CNIH3: variants seen among roughly 807,000 people sequenced by gnomAD.
The protein encoded by CNIH3 is protein cornichon homolog 3.
CNIH3 carries 14 observed loss-of-function variants against 24.1 expected under a neutral mutation model. That is an observed-to-expected ratio of 0.58 (90% CI 0.38 to 0.91). CNIH3 has a LOEUF of 0.91. CNIH3 is among the 40% of genes least tolerant of loss of function. The pLI is 0.00. For missense variants in CNIH3, 178 were observed against 196.8 expected (o/e 0.90, Z 0.57); for synonymous variants, 68 against 73.8 (o/e 0.92, Z 0.40).
At chr1:224,698,680 G>T (rs1687309344) in intron 3 of CNIH3, among the ~76,000 whole-genome samples, 1 of 152,160 alleles carries the variant, frequency 6.6e-6, no homozygotes, top group Non-Finnish European at 1.5e-5. Context: ...CATATTCTGG[G>T]CTTTAAAAGG....
intron 3 of CNIH3, among the ~76,000 whole-genome samples, chr1:224,554,653 G>A (rs888256197): frequency 2.0e-5 from 3 of 151,574 alleles, no homozygotes; most frequent in East Asian, 3.9e-4. Context: ...GTGTGATCAC[G>A]GCTTAGTGAA....
At chr1:224,639,275 T>A (rs1040849079) in intron 1 of CNIH3, among the ~76,000 whole-genome samples, 4 of 152,246 alleles carry the variant, frequency 2.6e-5, no homozygotes, top group Admixed American at 1.3e-4. Context: ...CTGATGATGA[T>A]GTGATTCAGA....
At chr1:224,678,313 A>C (rs1435800324) in intron 1 of CNIH3, among the ~76,000 whole-genome samples, 1 of 152,238 alleles carries the variant, frequency 6.6e-6, no homozygotes, top group East Asian at 1.9e-4. Flanking sequence ...GTATAAAGCC[A>C]GGAATGTGAT....
intron 1 of CNIH3, chr1:224,661,826 T>A: frequency 4.7e-6 from 1 of 211,918 alleles, no homozygotes; most frequent in Non-Finnish European, 9.5e-6. Context: ...TGATATGTCA[T>A]TTTAATATCC....
At chr1:224,682,627 C>CT (rs1339833030) in intron 2 of CNIH3, among the ~76,000 whole-genome samples, 1 of 152,202 alleles carries the variant, frequency 6.6e-6, no homozygotes, top group East Asian at 1.9e-4. Context: ...TAATTTGGAT[C>CT]TGTCAGTCCT....
intron 1 of CNIH3, chr1:224,437,031 C>G (rs1404610093): frequency 1.3e-5 from 2 of 152,226 alleles, no homozygotes; most frequent in Non-Finnish European, 2.9e-5. Context: ...CTGACTTCCA[C>G]TCTCCTAGCC....
At chr1:224,488,930 G>A (rs1044074428) in intron 1 of CNIH3, among the ~76,000 whole-genome samples, 22 of 152,088 alleles carry the variant, frequency 1.4e-4, no homozygotes, top group Non-Finnish European at 2.8e-4. Context: ...GAGCTTAGTT[G>A]TAATAATTGT....
intron 1 of CNIH3, among the ~76,000 whole-genome samples, chr1:224,464,225 A>C (rs572015336): frequency 6.6e-6 from 1 of 152,312 alleles, no homozygotes; most frequent in East Asian, 1.9e-4. Context: ...CAAGGCCACA[A>C]AATTTTTCTC....
At chr1:224,536,438 T>G (rs199532394) in intron 2 of CNIH3, among the ~76,000 whole-genome samples, 1 of 151,982 alleles carries the variant, frequency 6.6e-6, no homozygotes, top group Non-Finnish European at 1.5e-5. Context: ...ATTACAGGCA[T>G]GCGCCACCAC....
chr1:224,682,392 T>C (rs1419612120), intron 2 of CNIH3, among the ~76,000 whole-genome samples: 1 of 152,234 alleles, frequency 6.6e-6, no homozygotes, highest in East Asian at 1.9e-4. Context: ...TCCTGCCATC[T>C]ACCCTGTGTT....
chr1:224,611,803 T>C (rs1682714153), upstream of CNIH3, among the ~76,000 whole-genome samples: 1 of 152,224 alleles, frequency 6.6e-6, no homozygotes, highest in Non-Finnish European at 1.5e-5. Flanking sequence ...TAGTACTTTT[T>C]GATTTTTTTA....
intron 4 of CNIH3, among the ~76,000 whole-genome samples, chr1:224,566,848 C>T (rs1680602436): frequency 6.6e-6 from 1 of 152,142 alleles, no homozygotes; most frequent in African/African-American, 2.4e-5. Context: ...TGTGTCTTTA[C>T]AGTAGAATGA....
rs1035224551 is a variant in CNIH3, at chr1:224,458,386, G to A, written n.203+23524G>A. Reference sequence around the variant, plus strand: ...GCAGAGGGGCTCTGGCTCACTCCCCGTCCCTCATCCTACCAGGTGTGAGGC... The same window carrying A: ...GCAGAGGGGCTCTGGCTCACTCCCCATCCCTCATCCTACCAGGTGTGAGGC... On this transcript the variant is annotated intron_variant and non_coding_transcript_variant, in intron 1 of 5. Coordinates refer to the CNIH3 transcript ENST00000471578. This position sits in a 1 kb window ranked among gnomAD's most constrained non-coding sequence, Gnocchi z 4.3. Among the ~76,000 whole-genome samples the A allele has an allele frequency of 1.3e-5, 2 of 152,172 alleles. No individual in the cohort carries two copies. Among genetic ancestry groups the A allele is most frequent in the African/African-American group, 4.8e-5 (2 of 41,428 alleles).
intron 1 of CNIH3, among the ~76,000 whole-genome samples, chr1:224,648,691 A>G (rs1684734091): frequency 6.6e-6 from 1 of 152,118 alleles, no homozygotes; most frequent in Admixed American, 6.5e-5. Flanking sequence ...TCCCCCCATG[A>G]TGTTTCTGAA....
intron 1 of CNIH3, among the ~76,000 whole-genome samples, chr1:224,462,963 C>T (rs1675988353): frequency 7.5e-6 from 1 of 133,274 alleles, no homozygotes; most frequent in Admixed American, 9.0e-5. Flanking sequence ...TGCAGTGGCA[C>T]AATCTTGGCT....
chr1:224,518,613 A>C (rs1352221096), intron 1 of CNIH3, among the ~76,000 whole-genome samples: 1 of 151,968 alleles, frequency 6.6e-6, no homozygotes, highest in Non-Finnish European at 1.5e-5. Flanking sequence ...TACTGGTGTG[A>C]GCCATGGCAT....
At chr1:224,504,217 C>A (rs542435078) in intron 1 of CNIH3, among the ~76,000 whole-genome samples, 2 of 152,248 alleles carry the variant, frequency 1.3e-5, no homozygotes, top group Admixed American at 6.5e-5. Context: ...CTGGGAGGGA[C>A]AAGACTACAA....
chr1:224,598,315 CAAATGTGAATGTTTGAGGAGTT>C (rs1343945478), intron 3 of CNIH3, among the ~76,000 whole-genome samples: 1 of 152,136 alleles, frequency 6.6e-6, no homozygotes, highest in Non-Finnish European at 1.5e-5. Context: ...ATCTCATGAT[CAAATGTGAATGTTTGAGGAGTT>C]GCTTCTTATG....
intron 1 of CNIH3, among the ~76,000 whole-genome samples, chr1:224,443,121 G>A (rs1365838689): frequency 6.6e-6 from 1 of 152,094 alleles, no homozygotes; most frequent in African/African-American, 2.4e-5. Flanking sequence ...TGTCCAGTAG[G>A]GATAGCACAC....
Sources: gnomAD v4.1 joint callset for allele counts (sites outside exome capture counted in the v4.1 genomes callset) on GRCh38, gnomAD v4.1.1 for gene constraint, Gnocchi (gnomAD v3.1) non-coding constraint, MANE v1.5 for transcripts, NCBI Gene and HGNC (gene_info 2026-07-23, HGNC 2026-07-21) for gene names.